Variants in PID1 observed in about 807,000 individuals in gnomAD.
PID1 encodes phosphotyrosine interaction domain containing 1.
In PID1, 10 loss-of-function variants were observed where a neutral mutation model predicts 19.1. The observed-to-expected ratio is 0.52, with a 90% CI of 0.32 to 0.89. PID1 has a LOEUF of 0.89. Among genes scored for constraint, PID1 ranks in the 40% least tolerant of loss-of-function variants. PID1 has a pLI of 0.03. For missense variants in PID1, 248 were observed against 285.3 expected, an observed-to-expected ratio of 0.87 and a Z score of 0.94; for synonymous variants, 130 against 116.0, an observed-to-expected ratio of 1.12 and a Z score of -0.78.
In PID1 at chr2:229,203,677, C is replaced by T. The variant is rs368250436; in HGVS notation, c.31-47713G>A. On this transcript the variant is annotated intron_variant, in intron 1 of 2. Transcript: ENST00000392055. ...GTTTATTGTATCAAAATTCAAGGGACGGAAATGTGAGCAGCAGAATATGAA... is the reference window on the plus strand; with the variant it reads ...GTTTATTGTATCAAAATTCAAGGGATGGAAATGTGAGCAGCAGAATATGAA... Among the ~76,000 whole-genome samples, 37 of 152,084 alleles carry T rather than the reference C, an allele frequency of 2.4e-4. No individual in the cohort carries two copies. The South Asian group carries it at 5.4e-3, about 22-fold the overall frequency.
intron 2 of PID1, among the ~76,000 whole-genome samples, chr2:229,033,279 C>T (rs1438009326): frequency 6.6e-6 from 1 of 152,170 alleles, no homozygotes; most frequent in Non-Finnish European, 1.5e-5. Context: ...TCCTGGAGTT[C>T]TTCGACTTTC....
chr2:229,159,856 T>A (rs1048049176), intron 1 of PID1, among the ~76,000 whole-genome samples: 3 of 152,168 alleles, frequency 2.0e-5, no homozygotes, highest in African/African-American at 7.2e-5. Flanking sequence ...TTGCTCCTAA[T>A]AGATTCCAGC....
rs1336508746 is a variant in PID1 at position 229,271,258 on chromosome 2, G to C, written c.-215C>G. ...AACTTGTGGGCACGGCCGCGCGCCGGCTGTCCTGGCGCAGCTGCGAGAGGA... is the reference window on the plus strand; with the variant it reads ...AACTTGTGGGCACGGCCGCGCGCCGCCTGTCCTGGCGCAGCTGCGAGAGGA... On this transcript the variant is annotated 5_prime_UTR_variant, in exon 1 of 3. Transcript: ENST00000392055. 3 of 425,488 alleles carry C rather than the reference G, an allele frequency of 7.1e-6. No individual in the cohort carries two copies. The highest frequency in any genetic ancestry group is 1.3e-5 in the Non-Finnish European group (3 of 238,826). The allele number at this position is 425,488 out of a possible 1,614,324, so 26.4% of individuals were successfully genotyped here. A position where few individuals can be genotyped will look rare whatever the true frequency, so the allele number is the denominator to read the frequency against.
At chr2:229,206,244 C>T (rs577032726) in intron 1 of PID1, among the ~76,000 whole-genome samples, 3 of 150,798 alleles carry the variant, frequency 2.0e-5, no homozygotes, top group Non-Finnish European at 4.4e-5. Context: ...AAACAAAACC[C>T]TAGTATAAGT....
intron 1 of PID1, among the ~76,000 whole-genome samples, chr2:229,227,055 C>T (rs950141801): frequency 6.6e-6 from 1 of 152,110 alleles, no homozygotes; most frequent in African/African-American, 2.4e-5. Flanking sequence ...GAAGAAAAAA[C>T]AAATAAACGC....
chr2:229,163,804 C>T (rs934604543), intron 1 of PID1, among the ~76,000 whole-genome samples: 7 of 152,082 alleles, frequency 4.6e-5, no homozygotes, highest in African/African-American at 1.4e-4. Flanking sequence ...TCTTCTAAAC[C>T]ATTTTGCTAT....
chr2:229,058,132 TAG>T (rs1694140464), intron 2 of PID1, among the ~76,000 whole-genome samples: 1 of 152,204 alleles, frequency 6.6e-6, no homozygotes, highest in Non-Finnish European at 1.5e-5. Context: ...ACCCAAATAC[TAG>T]AGAGTTACTT....
chr2:229,047,761 C>A (rs775840892), intron 2 of PID1, among the ~76,000 whole-genome samples: 2 of 152,104 alleles, frequency 1.3e-5, no homozygotes, highest in African/African-American at 4.8e-5. Context: ...ACAGGCAGTT[C>A]GGAATCAAAG....
chr2:229,244,532 AT>A (rs1357725915), intron 1 of PID1, among the ~76,000 whole-genome samples: 1 of 152,198 alleles, frequency 6.6e-6, no homozygotes, highest in Admixed American at 6.5e-5. Context: ...AGAAAGAGAG[AT>A]TCAATCCTTT....
intron 2 of PID1, among the ~76,000 whole-genome samples, chr2:229,111,255 G>A (rs1574637102): frequency 6.6e-6 from 1 of 152,176 alleles, no homozygotes; most frequent in South Asian, 2.1e-4. Flanking sequence ...GGCATGGAGG[G>A]ATGGCAAAGG....
Position 229,127,364 on chromosome 2 carries a change from G to C in PID1, c.177+28454C>G, listed in dbSNP as rs563289757. Among the ~76,000 whole-genome samples, 161 of 152,216 alleles carry C rather than the reference G, an allele frequency of 1.1e-3. 3 individuals carry two copies. The South Asian group carries it at 0.029, about 28-fold the overall frequency. On this transcript the variant is annotated intron_variant, in intron 2 of 2. Transcript: ENST00000392055. ...CTGAGAATTGACTTGAATTGTAAGA[G>C]ACCTGTGAATCAGCAAGATTGCCGG...
At chr2:229,206,562 T>C (rs1691612719) in intron 1 of PID1, among the ~76,000 whole-genome samples, 1 of 152,210 alleles carries the variant, frequency 6.6e-6, no homozygotes, top group Non-Finnish European at 1.5e-5. Context: ...AAGGATTTGC[T>C]GTATGTTTTT....
intron 1 of PID1, among the ~76,000 whole-genome samples, chr2:229,264,281 T>C (rs1273668326): frequency 6.6e-6 from 1 of 152,146 alleles, no homozygotes; most frequent in Non-Finnish European, 1.5e-5. Context: ...AATTTCCCAA[T>C]AGTCAACTTC....
chr2:229,181,541 T>C (rs1690947106), intron 1 of PID1, among the ~76,000 whole-genome samples: 1 of 152,202 alleles, frequency 6.6e-6, no homozygotes, highest in Admixed American at 6.5e-5. Context: ...TTATACATAA[T>C]ACAAGATGAC....
chr2:229,069,143 T>TTGTGTGTGTGTGTGTGTG (rs61118908), intron 2 of PID1, among the ~76,000 whole-genome samples: 10 of 140,706 alleles, frequency 7.1e-5, no homozygotes, highest in African/African-American at 1.6e-4. Context: ...AGAAGGGTTT[T>TTGTGTGTGTGTGTGTGTG]TGTGTGTGTG....
At chr2:229,113,541 T>C (rs926063978) in intron 2 of PID1, among the ~76,000 whole-genome samples, 1 of 146,468 alleles carries the variant, frequency 6.8e-6, no homozygotes, top group South Asian at 2.1e-4. Context: ...TACATAACCA[T>C]CAGTGTCACT....
chr2:229,047,558 A>C (rs1486933250), intron 2 of PID1, among the ~76,000 whole-genome samples: 2 of 152,214 alleles, frequency 1.3e-5, no homozygotes, highest in Admixed American at 6.5e-5. Context: ...TATTTTATGG[A>C]TCTCATCCAA....
At chr2:229,202,471 TG>T (rs1691518496) in intron 1 of PID1, among the ~76,000 whole-genome samples, 2 of 152,050 alleles carry the variant, frequency 1.3e-5, no homozygotes, top group Admixed American at 6.6e-5. Context: ...ATAGAATGAA[TG>T]GCAGGTAAGG....
intron 1 of PID1, among the ~76,000 whole-genome samples, chr2:229,209,137 T>C (rs1691672991): frequency 6.6e-6 from 1 of 152,208 alleles, no homozygotes; most frequent in Non-Finnish European, 1.5e-5. Context: ...TTATGCAAAA[T>C]GTCCTGATCT....
Sources: gnomAD v4.1 joint callset for allele counts (sites outside exome capture counted in the v4.1 genomes callset) on GRCh38, gnomAD v4.1.1 for gene constraint, MANE v1.5 for transcripts, NCBI Gene and HGNC (gene_info 2026-07-23, HGNC 2026-07-21) for gene names.